The following CNIH3 variants were observed in gnomAD, a reference collection of about 807,000 sequenced individuals.
CNIH3 encodes protein cornichon homolog 3.
A neutral mutation model predicts 24.1 loss-of-function variants in CNIH3; 14 were observed. That is an observed-to-expected ratio of 0.58 (90% CI 0.38 to 0.91). CNIH3 has a LOEUF of 0.91. CNIH3 is among the 40% of genes least tolerant of loss of function. The pLI is 0.00. For synonymous variants in CNIH3, 68 were observed against 73.8 expected (o/e 0.92, Z 0.40); for missense variants, 178 against 196.8 (o/e 0.90, Z 0.57).
chr1:224,439,820 G>C (rs534623869), intron 1 of CNIH3, among the ~76,000 whole-genome samples: 1 of 150,968 alleles, frequency 6.6e-6, no homozygotes. Flanking sequence ...ATGGGGTCTC[G>C]CTCTGTCGCC....
chr1:224,579,626 C>G (rs1681187211), intron 4 of CNIH3, among the ~76,000 whole-genome samples: 1 of 152,136 alleles, frequency 6.6e-6, no homozygotes, highest in Admixed American at 6.6e-5. Flanking sequence ...GAGGTGGAGT[C>G]TAATGGGAGA....
intron 1 of CNIH3, among the ~76,000 whole-genome samples, chr1:224,484,247 G>A (rs951927945): frequency 6.6e-6 from 1 of 151,570 alleles, no homozygotes; most frequent in Non-Finnish European, 1.5e-5. Context: ...TGGCTAACAC[G>A]GTGAAACCCT....
At chr1:224,476,433 A>T (rs948056200) in intron 1 of CNIH3, among the ~76,000 whole-genome samples, 2 of 152,372 alleles carry the variant, frequency 1.3e-5, no homozygotes, top group South Asian at 4.1e-4. Context: ...CTATATGCCA[A>T]CAGTGAACAA....
intron 1 of CNIH3, among the ~76,000 whole-genome samples, chr1:224,463,662 C>T (rs1268746446): frequency 2.0e-5 from 3 of 151,890 alleles, no homozygotes; most frequent in African/African-American, 4.8e-5. Context: ...CTGCCTCAGC[C>T]TCCCAAAGTG....
At chr1:224,671,931 A>AATCAG (rs1252617231) in intron 1 of CNIH3, among the ~76,000 whole-genome samples, 1 of 151,884 alleles carries the variant, frequency 6.6e-6, no homozygotes, top group Non-Finnish European at 1.5e-5. Flanking sequence ...AGCAGTTTAG[A>AATCAG]ATCAGTGTAC....
chr1:224,617,099 G>A lies in CNIH3; in HGVS notation c.-76G>A. Reference sequence around the variant, plus strand: ...GCGTGCAGACGCGGCTCCTTGGAGGGAGTGCGGTCCTCTAGGGAGGCATCG... The same window carrying A: ...GCGTGCAGACGCGGCTCCTTGGAGGAAGTGCGGTCCTCTAGGGAGGCATCG... On this transcript the variant is annotated 5_prime_UTR_variant, in exon 1 of 6. Coordinates refer to ENST00000272133, the MANE Select transcript of CNIH3 (RefSeq NM_152495.2). 1 of 1,578,648 alleles carries A rather than the reference G, an allele frequency of 6.3e-7. No homozygotes were observed. Among genetic ancestry groups the A allele is most frequent in the South Asian group, 1.2e-5 (1 of 84,418 alleles).
chr1:224,443,487 C>T (rs984759144), intron 1 of CNIH3, among the ~76,000 whole-genome samples: 1 of 151,986 alleles, frequency 6.6e-6, no homozygotes, highest in African/African-American at 2.4e-5. Flanking sequence ...AGATGAGGCT[C>T]GATAGCATAA....
intron 3 of CNIH3, among the ~76,000 whole-genome samples, chr1:224,718,760 G>T (rs1558330368): frequency 6.6e-6 from 1 of 152,152 alleles, no homozygotes; most frequent in East Asian, 1.9e-4. Flanking sequence ...GGAGCAGAGG[G>T]TTTTCCTGGG....
At chr1:224,434,674 G>A (rs1348737808) in exon 1 of CNIH3, 5 of 856,022 alleles carry the variant, frequency 5.8e-6, no homozygotes, top group Non-Finnish European at 7.0e-6. Context: ...GCTGGGCTGA[G>A]CCCCGGCAGT....
At chr1:224,721,347 C>T (rs1688713686) in intron 3 of CNIH3, among the ~76,000 whole-genome samples, 1 of 152,076 alleles carries the variant, frequency 6.6e-6, no homozygotes, top group East Asian at 1.9e-4. Context: ...TGAGTCTTTG[C>T]CTGATCACTC....
chr1:224,524,810 T>C (rs574576344), intron 2 of CNIH3, among the ~76,000 whole-genome samples: 31 of 152,220 alleles, frequency 2.0e-4, no homozygotes, highest in African/African-American at 7.5e-4. Flanking sequence ...CCAACCGAGA[T>C]TGTGTGGTTT....
At chr1:224,738,579 A>T (rs1279129351) in intron 5 of CNIH3, among the ~76,000 whole-genome samples, 3 of 152,260 alleles carry the variant, frequency 2.0e-5, no homozygotes, top group African/African-American at 4.8e-5. Context: ...TTCTCACTAT[A>T]ATGTGAAAAG....
chr1:224,545,581 C>T (rs997705245), intron 2 of CNIH3, among the ~76,000 whole-genome samples: 5 of 152,098 alleles, frequency 3.3e-5, no homozygotes, highest in African/African-American at 1.2e-4. Context: ...GGTTGGAAGA[C>T]TAGGTGCCAT....
intron 5 of CNIH3, chr1:224,587,367 T>C (rs1681554102): frequency 1.3e-5 from 2 of 152,306 alleles, no homozygotes; most frequent in South Asian, 4.1e-4. Context: ...AGCAACCCAG[T>C]AGAAGCCAGG....
chr1:224,466,047 A>G lies in CNIH3; in HGVS notation n.203+31185A>G, dbSNP rs561200083. 5.9e-4 allele frequency among the ~76,000 whole-genome samples: 90 copies of G among 152,302 alleles called. No individual in the cohort carries two copies. In the Middle Eastern group the frequency reaches 0.01, roughly 17 times the overall value. ...CCTTCTCAAAAAAACACAAAAAACG[A>G]AAAACAAAAACCCAGAAATTGGCAT... On this transcript the variant is annotated intron_variant and non_coding_transcript_variant, in intron 1 of 5. Transcript: ENST00000471578.
intron 1 of CNIH3, among the ~76,000 whole-genome samples, chr1:224,473,415 A>G (rs1310794487): frequency 6.6e-6 from 1 of 152,154 alleles, no homozygotes; most frequent in East Asian, 1.9e-4. Context: ...AACAAAACAA[A>G]ACAAGACCCA....
chr1:224,455,176 G>A (rs1321716973), intron 1 of CNIH3, among the ~76,000 whole-genome samples: 1 of 152,094 alleles, frequency 6.6e-6, no homozygotes, highest in East Asian at 1.9e-4. Context: ...ATTGAATACT[G>A]TACAGAAAGT....
chr1:224,630,212 T>G (rs1340223031), intron 1 of CNIH3, among the ~76,000 whole-genome samples: 1 of 152,174 alleles, frequency 6.6e-6, no homozygotes, highest in Non-Finnish European at 1.5e-5. Context: ...AAAACCTTAT[T>G]TGCATTTCTG....
chr1:224,612,982 T>C (rs748442012), upstream of CNIH3, among the ~76,000 whole-genome samples: 4 of 152,230 alleles, frequency 2.6e-5, no homozygotes, highest in Non-Finnish European at 4.4e-5. The surrounding 1 kb of genome is among the most constrained non-coding windows in gnomAD (Gnocchi z 4.7). Flanking sequence ...TTTATCTTTT[T>C]CATTTTTATA....
Sources: allele counts gnomAD v4.1 joint callset (sites outside exome capture counted in the v4.1 genomes callset), GRCh38; gene constraint gnomAD v4.1.1; non-coding constraint Gnocchi (gnomAD v3.1); transcripts MANE v1.5; gene names NCBI Gene and HGNC (gene_info 2026-07-23, HGNC 2026-07-21).